CNBD1: variants seen among roughly 807,000 people sequenced by gnomAD.
The protein encoded by CNBD1 is cyclic nucleotide-binding domain-containing protein 1.
Under a neutral mutation model 54.4 loss-of-function variants are expected in CNBD1, and 71 were observed. The observed-to-expected ratio is 1.30, with a 90% CI of 1.08 to 1.59. CNBD1 has a LOEUF of 1.59. Ranked by LOEUF, CNBD1 falls within the 40% of genes most tolerant of loss-of-function variation. The probability of loss-of-function intolerance (pLI) is 0.00; values close to 1 mark genes in which losing one functional copy is unlikely to be tolerated. For missense variants in CNBD1, 659 were observed against 518.0 expected (o/e 1.27, Z -2.64); for synonymous variants, 182 against 170.7 (o/e 1.07, Z -0.51).
At chr8:87,419,000 A>C (rs184502888) in intron 2 of CNBD1, among the ~76,000 whole-genome samples, 90 of 152,046 alleles carry the variant, frequency 5.9e-4, no homozygotes, top group Admixed American at 1.6e-3. Context: ...AAACTTTTAC[A>C]TGAATGTTCA....
chr8:87,379,580 A>T (rs536185282), intron 10 of CNBD1, among the ~76,000 whole-genome samples: 13 of 152,114 alleles, frequency 8.5e-5, no homozygotes, highest in South Asian at 8.3e-4. Flanking sequence ...GATCTTGATG[A>T]CTAGAGAACT....
At chr8:86,891,817 T>C (rs1384832341) in intron 2 of CNBD1, among the ~76,000 whole-genome samples, 2 of 152,094 alleles carry the variant, frequency 1.3e-5, no homozygotes, top group Admixed American at 6.6e-5. Flanking sequence ...AAGTAATCTA[T>C]TTTTGTTGTT....
chr8:87,057,813 C>T (rs1285628155), intron 4 of CNBD1, among the ~76,000 whole-genome samples: 2 of 152,058 alleles, frequency 1.3e-5, no homozygotes, highest in Admixed American at 6.6e-5. Context: ...CATGTCACTT[C>T]ACTCCAGCCT....
At chr8:87,426,284 T>G (rs1003392334) in intron 2 of CNBD1, among the ~76,000 whole-genome samples, 1 of 152,220 alleles carries the variant, frequency 6.6e-6, no homozygotes, top group Non-Finnish European at 1.5e-5. Flanking sequence ...GTCTTCTGCG[T>G]CGCTCAGGCT....
At chr8:87,053,280 T>G (rs1035263667) in intron 4 of CNBD1, among the ~76,000 whole-genome samples, 1 of 152,144 alleles carries the variant, frequency 6.6e-6, no homozygotes, top group African/African-American at 2.4e-5. Context: ...GTATTAAAAT[T>G]AACACTTCCC....
chr8:86,885,507 A>G (rs1808669305), intron 1 of CNBD1, among the ~76,000 whole-genome samples: 1 of 152,188 alleles, frequency 6.6e-6, no homozygotes, highest in South Asian at 2.1e-4. Flanking sequence ...CATCAGGAAA[A>G]ACAAGACTGG....
intron 8 of CNBD1, among the ~76,000 whole-genome samples, chr8:87,346,402 A>G (rs1810176802): frequency 6.6e-6 from 1 of 151,922 alleles, no homozygotes; most frequent in Non-Finnish European, 1.5e-5. Flanking sequence ...TTTAATATTA[A>G]TTTAATAATA....
intron 6 of CNBD1, among the ~76,000 whole-genome samples, chr8:87,252,321 ACT>A (rs777489319): frequency 6.6e-6 from 1 of 152,156 alleles, no homozygotes; most frequent in African/African-American, 2.4e-5. Context: ...ATGATAATTG[ACT>A]CTCAATATTT....
intron 4 of CNBD1, among the ~76,000 whole-genome samples, chr8:86,974,029 A>G (rs1808284374): frequency 6.6e-6 from 1 of 152,064 alleles, no homozygotes; most frequent in Non-Finnish European, 1.5e-5. Flanking sequence ...TTTACAATGG[A>G]AAATATACCC....
At chr8:87,002,257 T>C (rs1269132074) in intron 4 of CNBD1, among the ~76,000 whole-genome samples, 3 of 152,160 alleles carry the variant, frequency 2.0e-5, no homozygotes, top group African/African-American at 7.2e-5. Context: ...AGCATCTCTC[T>C]CATACTTCAT....
intron 4 of CNBD1, among the ~76,000 whole-genome samples, chr8:87,133,491 C>T (rs895413008): frequency 7.9e-5 from 12 of 152,106 alleles, no homozygotes; most frequent in African/African-American, 2.7e-4. Context: ...CAATAAATTA[C>T]CATAAGGTAG....
chr8:87,119,379 T>C lies in CNBD1; in HGVS notation c.432-86614T>C, dbSNP rs975999590. On this transcript the variant is annotated intron_variant, in intron 4 of 10. Transcript: ENST00000518476. ...ATAGCTTGCTTGATTTTTTCTTGTCTAGATAATTATTGGTGTGTAGAAATG... is the reference window on the plus strand; with the variant it reads ...ATAGCTTGCTTGATTTTTTCTTGTCCAGATAATTATTGGTGTGTAGAAATG... 7.8e-4 allele frequency among the ~76,000 whole-genome samples: 119 copies of C among 152,146 alleles called. 1 individual carries two copies. The highest frequency in any genetic ancestry group is 2.8e-3 in the African/African-American group (117 of 41,538).
At chr8:87,413,519 A>C (rs1807782390) in intron 2 of CNBD1, among the ~76,000 whole-genome samples, 1 of 152,086 alleles carries the variant, frequency 6.6e-6, no homozygotes. Context: ...AGATATTATT[A>C]TATTTACCAA....
At chr8:86,944,905 A>C (rs1408554171) in intron 4 of CNBD1, among the ~76,000 whole-genome samples, 1 of 152,208 alleles carries the variant, frequency 6.6e-6, no homozygotes, top group African/African-American at 2.4e-5. Context: ...TAGATTTGAC[A>C]TGAAGAATTT....
chr8:87,014,891 A>G (rs1439208019), intron 4 of CNBD1, among the ~76,000 whole-genome samples: 2 of 152,094 alleles, frequency 1.3e-5, no homozygotes, highest in African/African-American at 2.4e-5. Flanking sequence ...TATTTTATAC[A>G]AAAAAGAATC....
At chr8:87,237,725 A>G (rs532408505) in intron 6 of CNBD1, among the ~76,000 whole-genome samples, 1 of 152,276 alleles carries the variant, frequency 6.6e-6, no homozygotes, top group East Asian at 1.9e-4. Context: ...AGGGTGATCA[A>G]GATGTTCAGA....
chr8:87,211,026 G>T (rs1368478722), intron 5 of CNBD1, among the ~76,000 whole-genome samples: 1 of 152,114 alleles, frequency 6.6e-6, no homozygotes, highest in Admixed American at 6.5e-5. Context: ...GCAGAGACAT[G>T]GGGGCAGAGC....
chr8:86,978,699 C>A (rs904125662), intron 4 of CNBD1, among the ~76,000 whole-genome samples: 1 of 151,688 alleles, frequency 6.6e-6, no homozygotes, highest in Non-Finnish European at 1.5e-5. Context: ...TGCTCCAACA[C>A]GCCTGGCTAA....
intron 8 of CNBD1, among the ~76,000 whole-genome samples, chr8:87,327,826 C>T (rs996214650): frequency 3.3e-5 from 5 of 152,114 alleles, no homozygotes; most frequent in Non-Finnish European, 5.9e-5. Flanking sequence ...TTGGCTCCTC[C>T]CCCTTTTCTT....
Sources: allele counts gnomAD v4.1 joint callset (sites outside exome capture counted in the v4.1 genomes callset), GRCh38; gene constraint gnomAD v4.1.1; transcripts MANE v1.5; gene names NCBI Gene and HGNC (gene_info 2026-07-23, HGNC 2026-07-21).